The following AP3B1 variants were observed in gnomAD, a reference collection of about 807,000 sequenced individuals.
AP3B1 encodes the protein AP-3 complex subunit beta-1.
AP3B1 carries 61 observed loss-of-function variants against 132.5 expected under a neutral mutation model. The ratio of observed to expected loss-of-function variants is 0.46; its 90% CI spans 0.37 to 0.57. The LOEUF is 0.57. AP3B1 is among the 20% of genes least tolerant of loss of function. The pLI is 0.00. For missense variants in AP3B1, 1,120 were observed against 1,289.4 expected, an observed-to-expected ratio of 0.87 and a Z score of 2.01; for synonymous variants, 388 against 438.3, an observed-to-expected ratio of 0.89 and a Z score of 1.43.
At chr5:78,166,247 A>G (rs1464500602) in intron 11 of AP3B1, among the ~76,000 whole-genome samples, 1 of 152,168 alleles carries the variant, frequency 6.6e-6, no homozygotes, top group Non-Finnish European at 1.5e-5. Flanking sequence ...ATGTCCACAA[A>G]CAGATATTAG....
intron 2 of AP3B1, among the ~76,000 whole-genome samples, chr5:78,249,571 T>C (rs1193818802): frequency 6.7e-6 from 1 of 149,802 alleles, no homozygotes; most frequent in African/African-American, 2.4e-5. Flanking sequence ...AATGATTTTT[T>C]TCTTTTTCTT....
intron 7 of AP3B1, among the ~76,000 whole-genome samples, chr5:78,207,020 G>A (rs955925365): frequency 3.9e-5 from 6 of 152,134 alleles, no homozygotes; most frequent in African/African-American, 1.4e-4. Flanking sequence ...CACTTTGGGA[G>A]GCTGAGGCGG....
intron 7 of AP3B1, among the ~76,000 whole-genome samples, chr5:78,212,199 C>G (rs7701106): frequency 0.3 from 45,280 of 152,050 alleles, 6,952 homozygotes; most frequent in Middle Eastern, 0.35. Context: ...CGAATCGCTT[C>G]AACCCAGGAG....
chr5:78,096,886 A>AG (rs1200662022), intron 21 of AP3B1, among the ~76,000 whole-genome samples: 7 of 123,442 alleles, frequency 5.7e-5, no homozygotes, highest in South Asian at 2.9e-4. Context: ...GGAGGGAGGT[A>AG]GGGGGTCAGC....
At chr5:78,225,228 T>C (rs4391144) in intron 6 of AP3B1, among the ~76,000 whole-genome samples, 25,229 of 152,038 alleles carry the variant, frequency 0.17, 2,601 homozygotes, top group Admixed American at 0.26. Flanking sequence ...AGTACACTAG[T>C]AACTCACATC....
chr5:78,274,755 T>C (rs915118643), intron 1 of AP3B1, among the ~76,000 whole-genome samples: 1 of 152,008 alleles, frequency 6.6e-6, no homozygotes, highest in South Asian at 2.1e-4. Context: ...GCCCAGTCTC[T>C]ACAAAAAATA....
intron 3 of AP3B1, among the ~76,000 whole-genome samples, chr5:78,232,832 G>T (rs546553895): frequency 6.6e-6 from 1 of 152,002 alleles, no homozygotes; most frequent in East Asian, 2.0e-4. Context: ...TCAGCCTCCC[G>T]AAAAGTTGGG....
intron 1 of AP3B1, among the ~76,000 whole-genome samples, chr5:78,287,823 G>A (rs944508110): frequency 1.3e-5 from 2 of 148,842 alleles, no homozygotes; most frequent in African/African-American, 4.9e-5. Flanking sequence ...TCTAGTACCA[G>A]ATCTAATGAC....
Position 78,101,446 on chromosome 5 carries a change from G to A in AP3B1, c.2398-421C>T, listed in dbSNP as rs1200125901. 1.7e-5 allele frequency: 6 copies of A among 343,286 alleles called. No individual in the cohort carries two copies. The East Asian group carries it at 4.5e-4, about 26-fold the overall frequency. 21.3% of individuals were successfully genotyped at this position (343,286 alleles called of 1,614,324 possible). On this transcript the variant is annotated intron_variant, in intron 20 of 26. Coordinates refer to ENST00000255194, the MANE Select transcript of AP3B1 (RefSeq NM_003664.5). Reference sequence around the variant, plus strand: ...AGATATTTTTGATGGGCTTGTGATAGGTCAGCCTTTTCTGATATAGTTTGT... The same window carrying A: ...AGATATTTTTGATGGGCTTGTGATAAGTCAGCCTTTTCTGATATAGTTTGT...
rs150352648 is a variant in AP3B1 at position 78,049,627 on chromosome 5, A to T, written c.2578-10353T>A. ...ATGAAAACCCAGTTATTTTAATGAA[A>T]TAATCTGGCTATTTCTCACTACTGC... On this transcript the variant is annotated intron_variant, in intron 22 of 26. Transcript: ENST00000255194. Among the ~76,000 whole-genome samples, 842 of 152,306 alleles carry T rather than the reference A, an allele frequency of 5.5e-3. 6 individuals are homozygous for T. Among genetic ancestry groups the T allele is most frequent in the African/African-American group, 0.019 (804 of 41,564 alleles).
intron 7 of AP3B1, among the ~76,000 whole-genome samples, chr5:78,185,751 T>C (rs571200835): frequency 1.3e-5 from 2 of 152,178 alleles, no homozygotes; most frequent in Non-Finnish European, 2.9e-5. Flanking sequence ...GTACCCATAG[T>C]CTTAGCTGCT....
At chr5:78,215,953 G>T in intron 7 of AP3B1, 102 bp downstream of exon 7, 9 of 1,049,174 alleles carry the variant, frequency 8.6e-6, no homozygotes, top group Non-Finnish European at 1.2e-5. Context: ...CCTTAAATAT[G>T]CAGATTTCTC....
chr5:78,158,042 C>G (rs1178141042), intron 13 of AP3B1, among the ~76,000 whole-genome samples: 4 of 152,188 alleles, frequency 2.6e-5, no homozygotes, highest in Non-Finnish European at 2.9e-5. Flanking sequence ...AGCCACCATG[C>G]CCGGCCTACT....
At chr5:78,192,214 A>G (rs944531391) in intron 7 of AP3B1, among the ~76,000 whole-genome samples, 5 of 152,140 alleles carry the variant, frequency 3.3e-5, no homozygotes, top group Admixed American at 3.3e-4. Context: ...ATACAAGAAA[A>G]AAAGACAAAA....
intron 3 of AP3B1, among the ~76,000 whole-genome samples, chr5:78,235,386 A>T (rs1173537709): frequency 6.6e-6 from 1 of 152,206 alleles, no homozygotes; most frequent in Admixed American, 6.5e-5. Flanking sequence ...GCAACACTGA[A>T]ACATTCAGAA....
chr5:78,279,269 G>A (rs1748937215), intron 1 of AP3B1, among the ~76,000 whole-genome samples: 1 of 152,114 alleles, frequency 6.6e-6, no homozygotes, highest in Admixed American at 6.5e-5. Flanking sequence ...AACATGTCGT[G>A]TTTATAACAT....
chr5:78,147,362 T>C (rs576254623), intron 14 of AP3B1, among the ~76,000 whole-genome samples: 18 of 152,284 alleles, frequency 1.2e-4, no homozygotes, highest in African/African-American at 4.3e-4. Context: ...TTTTATCACT[T>C]GATTAAGGTG....
rs746886660 is a variant in AP3B1, at chr5:78,162,844, C to A, written c.1338G>T (p.Leu446Phe). The change falls in exon 13 of 27, where the codon TTG becomes TTT. Residue 446 changes from leucine (L) to phenylalanine (F), a missense_variant. Leu to Phe is a conservative substitution (Grantham distance 22). This residue lies in a region of AP3B1 where 906 missense variants were observed against 997.1 expected (regional missense o/e 0.91). Coordinates refer to ENST00000255194, the MANE Select transcript of AP3B1 (RefSeq NM_003664.5). ...LEVTDTCLNGLVCLLSNRDEI... is the reference protein window; with the variant it reads ...LEVTDTCLNGFVCLLSNRDEI... ...CATCCCTGTTGGACAGCAGACAGAC[C>A]AAGCCATTGAGGCACGTGTCAGTGA... The A allele has an allele frequency of 1.2e-6, 2 of 1,613,818 alleles. No individual in the cohort carries two copies. Among genetic ancestry groups the A allele is most frequent in the African/African-American group, 2.7e-5 (2 of 74,898 alleles).
chr5:78,140,801 TA>T (rs1753113474), intron 15 of AP3B1, among the ~76,000 whole-genome samples: 1 of 152,206 alleles, frequency 6.6e-6, no homozygotes, highest in South Asian at 2.1e-4. Context: ...TTCTGTACAG[TA>T]AACCACTCTT....
Sources: allele counts gnomAD v4.1 joint callset (sites outside exome capture counted in the v4.1 genomes callset), GRCh38; gene constraint gnomAD v4.1.1; regional missense constraint gnomAD v4.1.1; transcripts MANE v1.5; gene names NCBI Gene and HGNC (gene_info 2026-07-23, HGNC 2026-07-21).